DMD: variants seen among roughly 807,000 people sequenced by gnomAD.
DMD encodes dystrophin, also known as mutant dystrophin.
DMD carries 63 observed loss-of-function variants against 330.1 expected under a neutral mutation model. That is an observed-to-expected ratio of 0.19 (90% confidence interval 0.16 to 0.24). The LOEUF (loss-of-function observed/expected upper bound fraction) is 0.24, where lower values mean the gene tolerates loss of function less well. Among genes scored for constraint, DMD ranks in the 10% least tolerant of loss-of-function variants. The pLI is 1.00. For missense variants in DMD, 3,344 were observed against 2,684.1 expected (o/e 1.25, Z -5.43); for synonymous variants, 1,223 against 959.8 (o/e 1.27, Z -5.07).
intron 72 of DMD, 147 bp downstream of exon 72, chrX:31,173,392 G>A (rs1307671635): frequency 6.7e-6 from 4 of 595,597 alleles, no homozygotes; most frequent in Admixed American, 2.7e-5. Context: ...GCAGTGGAAC[G>A]GCATGCACGT....
At chrX:31,766,216 C>A (rs1333388699) in intron 51 of DMD, among the ~76,000 whole-genome samples, 1 of 111,790 alleles carries the variant, frequency 8.9e-6, no homozygotes, top group Non-Finnish European at 1.9e-5. Context: ...TATAAAGGAG[C>A]CCTAACTAGA....
chrX:33,113,384 G>A (rs2095356000), intron 1 of DMD, among the ~76,000 whole-genome samples: 1 of 111,266 alleles, frequency 9.0e-6, no homozygotes, highest in Non-Finnish European at 1.9e-5. Flanking sequence ...CTCAAGACTG[G>A]AAGTGCAGTA....
chrX:31,422,478 C>T lies in DMD; in HGVS notation c.9084+22003G>A, dbSNP rs150109421. The stretch of plus-strand genomic sequence containing the variant: ...AGCAACACATGGAGAAGAAAAGCAT[C>T]GTGGAAATGGGGTAAGATGGGACTC... On this transcript the variant is annotated intron_variant, in intron 60 of 78. Transcript: ENST00000357033. Among the ~76,000 whole-genome samples, 846 of 111,603 alleles carry T rather than the reference C, an allele frequency of 7.6e-3. 8 individuals carry two copies. The highest frequency in any genetic ancestry group is 0.026 in the African/African-American group (793 of 30,733).
chrX:32,720,196 T>G (rs1169623552), intron 7 of DMD, among the ~76,000 whole-genome samples: 2 of 110,946 alleles, frequency 1.8e-5, no homozygotes, highest in Non-Finnish European at 3.8e-5. Flanking sequence ...AATTCTTTAT[T>G]GTTGTTACCT....
intron 44 of DMD, among the ~76,000 whole-genome samples, chrX:32,081,995 T>C (rs1023530742): frequency 9.0e-6 from 1 of 111,664 alleles, no homozygotes; most frequent in Non-Finnish European, 1.9e-5. Flanking sequence ...ATTATTTCTC[T>C]TTTTATTTGG....
chrX:31,139,841 C>T (rs188445377), intron 76 of DMD, among the ~76,000 whole-genome samples: 3 of 111,008 alleles, frequency 2.7e-5, no homozygotes, highest in Non-Finnish European at 5.7e-5. Flanking sequence ...ACCTGGGTTC[C>T]CTGAAAACTA....
In DMD at chrX:33,255,287, T is replaced by G. The variant is rs953827971; in HGVS notation, c.7+83972A>C. On this transcript the variant is annotated intron_variant, in intron 1 of 17. Transcript: ENST00000288447. ...ATACTGAATGTAGTCAATAGAGAATTATTATATCATTGGAGTTAAATGAAC... is the reference window on the plus strand; with the variant it reads ...ATACTGAATGTAGTCAATAGAGAATGATTATATCATTGGAGTTAAATGAAC... Among the ~76,000 whole-genome samples, 2 of 111,062 alleles carry G rather than the reference T, an allele frequency of 1.8e-5. 1 individual carries two copies. The highest frequency in any genetic ancestry group is 3.8e-5 in the Non-Finnish European group (2 of 52,493).
intron 1 of DMD, among the ~76,000 whole-genome samples, chrX:33,094,442 A>C (rs559238114): frequency 8.9e-6 from 1 of 112,121 alleles, no homozygotes; most frequent in Non-Finnish European, 1.9e-5. Flanking sequence ...CAAGGAGTAG[A>C]TACAGGGAGG....
chrX:31,419,594 A>G (rs1318515764), intron 60 of DMD, among the ~76,000 whole-genome samples: 2 of 111,668 alleles, frequency 1.8e-5, no homozygotes, highest in African/African-American at 6.5e-5. Context: ...CCATCTCTAG[A>G]TCTGTATTCT....
chrX:32,419,136 G>A (rs1416545725), intron 29 of DMD, among the ~76,000 whole-genome samples: 1 of 110,683 alleles, frequency 9.0e-6, no homozygotes, highest in Non-Finnish European at 1.9e-5. Context: ...AAAATTTCCA[G>A]ATGTCTAGAT....
chrX:33,275,098 C>A (rs758469511), intron 1 of DMD, among the ~76,000 whole-genome samples: 3 of 112,041 alleles, frequency 2.7e-5, no homozygotes, highest in Admixed American at 9.5e-5. Context: ...CTATCTCATG[C>A]CAAATTTAAA....
At chrX:31,278,057 G>C (rs1227674948) in intron 62 of DMD, among the ~76,000 whole-genome samples, 1 of 109,360 alleles carries the variant, frequency 9.1e-6, no homozygotes, top group East Asian at 2.9e-4. Flanking sequence ...TTTGGTATGG[G>C]TAAGTAATGT....
At chrX:32,696,371 C>T (rs1234568329) in intron 9 of DMD, among the ~76,000 whole-genome samples, 9 of 112,142 alleles carry the variant, frequency 8.0e-5, no homozygotes, top group Non-Finnish European at 1.5e-4. Context: ...TTCCCCATCC[C>T]CCATCTCTTG....
In DMD at chrX:31,728,227, G is replaced by T. The variant is rs772238715; in HGVS notation, c.7660+1404C>A. ...TTTTTAGTAGAGACGGGGTTTCACC[G>T]TGTTAGCCAGGATGGTCTCGATCTC... On this transcript the variant is annotated intron_variant, in intron 52 of 78. Coordinates refer to ENST00000357033, the MANE Select transcript of DMD (RefSeq NM_004006.3). 5.4e-5 allele frequency among the ~76,000 whole-genome samples: 6 copies of T among 111,365 alleles called. No individual in the cohort carries two copies. In the South Asian group the frequency reaches 2.3e-3, roughly 42 times the overall value.
At chrX:32,736,074 A>T (rs2068432411) in intron 7 of DMD, among the ~76,000 whole-genome samples, 1 of 112,077 alleles carries the variant, frequency 8.9e-6, no homozygotes, top group Admixed American at 9.5e-5. Flanking sequence ...TTACAAGAAA[A>T]AACAAACAAC....
chrX:32,315,668 G>A (rs943017657), intron 41 of DMD, among the ~76,000 whole-genome samples: 66 of 111,527 alleles, frequency 5.9e-4, no homozygotes, highest in African/African-American at 1.9e-3. Context: ...CTTAAAGAAT[G>A]TAGGCAGCAC....
chrX:31,769,002 T>A (rs1468207796), intron 51 of DMD, among the ~76,000 whole-genome samples: 1 of 112,314 alleles, frequency 8.9e-6, no homozygotes, highest in Non-Finnish European at 1.9e-5. Context: ...TTAGTAAAAA[T>A]TATTTTTATT....
intron 50 of DMD, among the ~76,000 whole-genome samples, chrX:31,785,038 T>C (rs1224981612): frequency 4.5e-5 from 5 of 111,715 alleles, no homozygotes; most frequent in Non-Finnish European, 9.4e-5. Flanking sequence ...AACTAAAATG[T>C]CCATTGATTG....
At chrX:32,432,017 C>T (rs1391806953) in intron 29 of DMD, among the ~76,000 whole-genome samples, 1 of 111,825 alleles carries the variant, frequency 8.9e-6, no homozygotes, top group Admixed American at 9.6e-5. Flanking sequence ...GCTACCCTGA[C>T]TTAATCACTT....
Sources: allele counts gnomAD v4.1 joint callset (sites outside exome capture counted in the v4.1 genomes callset), GRCh38; gene constraint gnomAD v4.1.1; transcripts MANE v1.5; gene names NCBI Gene and HGNC (gene_info 2026-07-23, HGNC 2026-07-21).